RNF4: variants seen among roughly 807,000 people sequenced by gnomAD.
RNF4 encodes E3 ubiquitin-protein ligase RNF4.
Under a neutral mutation model 24.3 loss-of-function variants are expected in RNF4, and 7 were observed. The observed-to-expected ratio is 0.29, with a 90% CI of 0.16 to 0.54. The LOEUF is 0.54. RNF4 is among the 20% of genes least tolerant of loss of function. The pLI, the probability that RNF4 is intolerant of heterozygous loss-of-function variation, is 0.95. For missense variants in RNF4, 209 were observed against 248.5 expected (o/e 0.84, Z 1.07); for synonymous variants, 83 against 84.3 (o/e 0.98, Z 0.09).
intron 1 of RNF4, among the ~76,000 whole-genome samples, chr4:2,488,297 C>G (rs1735474486): frequency 6.6e-6 from 1 of 152,156 alleles, no homozygotes; most frequent in Middle Eastern, 3.2e-3. Context: ...AACCCCATCT[C>G]TACTAAAAGT....
chr4:2,506,932 G>A (rs1431949237), intron 4 of RNF4, among the ~76,000 whole-genome samples: 1 of 152,192 alleles, frequency 6.6e-6, no homozygotes, highest in Non-Finnish European at 1.5e-5. Context: ...AAGCAATGCA[G>A]TGGTAGAAAA....
intron 1 of RNF4, among the ~76,000 whole-genome samples, chr4:2,474,854 G>A (rs909056557): frequency 1.3e-5 from 2 of 152,036 alleles, no homozygotes; most frequent in Non-Finnish European, 2.9e-5. Context: ...GAGAAACCCC[G>A]TCTCGACTAA....
In RNF4 at chr4:2,513,858, A is replaced by AG. The variant is rs1212075290; in HGVS notation, c.*40dup. The AG allele has an allele frequency of 6.8e-6, 11 of 1,612,306 alleles. No homozygotes were observed. In the African/African-American group the frequency reaches 1.3e-4, roughly 20 times the overall value. On this transcript the variant is annotated 3_prime_UTR_variant, in exon 8 of 8. Transcript: ENST00000314289. ...CCCCAGGAGAGACGGATGGACAGACAGACAGCCAGGTTCTCCAGTGGTATC... is the reference window on the plus strand; with the variant it reads ...CCCCAGGAGAGACGGATGGACAGACAGGACAGCCAGGTTCTCCAGTGGTATC...
intron 1 of RNF4, among the ~76,000 whole-genome samples, chr4:2,486,151 TA>T (rs963828816): frequency 1.3e-5 from 2 of 152,178 alleles, no homozygotes; most frequent in African/African-American, 2.4e-5. Context: ...ATGGGGAACA[TA>T]ACAGTGCTTA....
intron 1 of RNF4, among the ~76,000 whole-genome samples, chr4:2,489,377 G>GA (rs777629442): frequency 3.9e-5 from 6 of 152,236 alleles, no homozygotes; most frequent in Non-Finnish European, 2.9e-5. Flanking sequence ...GTGGATGTGA[G>GA]AGCGTTCCTG....
chr4:2,500,579 G>C, intron 3 of RNF4, 80 bp from the exon 4 acceptor site: 1 of 1,396,958 alleles, frequency 7.2e-7, no homozygotes. Context: ...TATAACATTA[G>C]CAGTCATACT....
intron 4 of RNF4, among the ~76,000 whole-genome samples, chr4:2,507,699 C>G (rs1177457159): frequency 6.6e-6 from 1 of 152,168 alleles, no homozygotes; most frequent in East Asian, 1.9e-4. Context: ...CTCACCTGTG[C>G]TTTTAGAAGC....
intron 3 of RNF4, 105 bp downstream of exon 3, chr4:2,497,226 A>G (rs1409645627): frequency 8.2e-6 from 6 of 728,546 alleles, no homozygotes; most frequent in Non-Finnish European, 6.9e-6. Flanking sequence ...TAGAAGGCCT[A>G]TGCAGTCTCA....
chr4:2,475,874 C>G (rs914002184), intron 1 of RNF4, among the ~76,000 whole-genome samples: 1 of 152,118 alleles, frequency 6.6e-6, no homozygotes, highest in African/African-American at 2.4e-5. Context: ...AAGCAGAGCT[C>G]GAAACTTCAC....
In RNF4 at chr4:2,515,574, A is replaced by G. The variant is rs1736392302; in HGVS notation, c.*1755A>G. The G allele has an allele frequency of 6.6e-6, 1 of 152,394 alleles. No homozygotes were observed. The highest frequency in any genetic ancestry group is 2.4e-5 in the African/African-American group (1 of 41,478). 9.4% of individuals were successfully genotyped at this position (152,394 alleles called of 1,614,324 possible). ...AAAATATGGTAACACCCATTTTAAA[A>G]TTTAAGTTTTGTCCTTAAAGACAAC... On this transcript the variant is annotated 3_prime_UTR_variant, in exon 8 of 8. Coordinates refer to ENST00000314289, the MANE Select transcript of RNF4 (RefSeq NM_002938.5).
Position 2,497,140 on chromosome 4 carries a change from C to G in RNF4, c.124+19C>G. 2 of 1,563,042 alleles carry G rather than the reference C, an allele frequency of 1.3e-6. No individual in the cohort carries two copies. Among genetic ancestry groups the G allele is most frequent in the Non-Finnish European group, 1.7e-6 (2 of 1,144,600 alleles). On this transcript the variant is annotated intron_variant, in intron 3 of 7. Transcript: ENST00000314289. The stretch of plus-strand genomic sequence containing the variant: ...GAAACTGGTAAGATTGCCAGGGACA[C>G]TACAACTGTGGGGTGTTAAAGTGGA...
At chr4:2,472,661 C>T (rs1413788620) in intron 1 of RNF4, among the ~76,000 whole-genome samples, 1 of 150,824 alleles carries the variant, frequency 6.6e-6, no homozygotes, top group Non-Finnish European at 1.5e-5. Context: ...TGTAAGGCTA[C>T]AGCTACATAG....
Position 2,488,072 on chromosome 4 carries a change from C to T in RNF4, c.-157-2265C>T, listed in dbSNP as rs77775219. 4.3e-3 allele frequency among the ~76,000 whole-genome samples: 657 copies of T among 152,296 alleles called. 5 individuals carry two copies. Among genetic ancestry groups the T allele is most frequent in the African/African-American group, 0.013 (522 of 41,572 alleles). ...GCACCCTCCTCACCCTTCTCCCCGC[C>T]CTAGATTCTGCACAGAGGCTGTGTT... is the stretch of plus-strand genomic sequence containing the variant. On this transcript the variant is annotated intron_variant, in intron 1 of 7. Transcript: ENST00000314289.
chr4:2,473,774 G>T (rs948491045), intron 1 of RNF4, among the ~76,000 whole-genome samples: 2 of 151,938 alleles, frequency 1.3e-5, no homozygotes, highest in Non-Finnish European at 2.9e-5. Flanking sequence ...TCACACTACT[G>T]CACTCCAGCC....
Position 2,512,360 on chromosome 4 carries a change from AAG to A in RNF4, c.215-75_215-74del, listed in dbSNP as rs1736292364. The A allele has an allele frequency of 6.6e-7, 1 of 1,503,774 alleles. No homozygotes were observed. The highest frequency in any genetic ancestry group is 1.4e-5 in the African/African-American group (1 of 72,070). The allele number at this position is 1,503,774 out of a possible 1,614,324, so 93.2% of individuals were successfully genotyped here. The stretch of plus-strand genomic sequence containing the variant: ...CCAGGCAGGGAAGGAAGAGGGTCTT[AAG>A]AGGCGTCAGGATGGGAGTGGTGAGG... On this transcript the variant is annotated intron_variant, in intron 5 of 7. Transcript: ENST00000314289. This position sits in a 1 kb window ranked among gnomAD's most constrained non-coding sequence, Gnocchi z 4.1.
chr4:2,472,909 G>A (rs368992225), intron 1 of RNF4, among the ~76,000 whole-genome samples: 11 of 151,870 alleles, frequency 7.2e-5, no homozygotes, highest in Non-Finnish European at 1.0e-4. Flanking sequence ...TCTTGGCAGC[G>A]GGCACCTGTA....
rs748637916 is a variant in RNF4, at chr4:2,513,122, A to G, written c.414A>G (p.Gly138=). ...GTVSCPICMD[G]YSEIVQNGRL... ...TCAGTTGTCCCATCTGCATGGACGG[A>G]TACTCAGAGGTAAGTAAACCAAGCT... Residue 138 remains glycine (G), a synonymous_variant, in exon 7 of 8, where the codon GGA becomes GGG. Transcript: ENST00000314289. 3 of 1,613,748 alleles carry G rather than the reference A, an allele frequency of 1.9e-6. No homozygotes were observed. Among genetic ancestry groups the G allele is most frequent in the Non-Finnish European group, 2.5e-6 (3 of 1,179,680 alleles).
At position 2,488,145 on chromosome 4, in the gene RNF4, G is replaced by A. The variant is rs537003035; in HGVS notation, c.-157-2192G>A. On this transcript the variant is annotated intron_variant, in intron 1 of 7. Transcript: ENST00000314289. ...GCAGGGGCTGTACTGTGAATGAGGC[G>A]GGGAGGTATGCATCCTTTCTTAAAG... Among the ~76,000 whole-genome samples, 14 of 152,308 alleles carry A rather than the reference G, an allele frequency of 9.2e-5. No homozygotes were observed. The South Asian group carries it at 2.5e-3, about 27-fold the overall frequency.
intron 1 of RNF4, among the ~76,000 whole-genome samples, chr4:2,486,373 G>C (rs1341417303): frequency 6.6e-6 from 1 of 151,902 alleles, no homozygotes; most frequent in African/African-American, 2.4e-5. Flanking sequence ...GCATTTCTAC[G>C]TCCCCACCAC....
Sources: allele counts gnomAD v4.1 joint callset (sites outside exome capture counted in the v4.1 genomes callset), GRCh38; gene constraint gnomAD v4.1.1; non-coding constraint Gnocchi (gnomAD v3.1); transcripts MANE v1.5; gene names NCBI Gene and HGNC (gene_info 2026-07-23, HGNC 2026-07-21).